The following FOXJ2 variants were observed in gnomAD, a reference collection of about 807,000 sequenced individuals.
FOXJ2 encodes the protein forkhead box J2.
Under a neutral mutation model 68.4 loss-of-function variants are expected in FOXJ2, and 18 were observed. The ratio of observed to expected loss-of-function variants is 0.26; its 90% CI spans 0.18 to 0.39. The LOEUF is 0.39. Among genes scored for constraint, FOXJ2 ranks in the 10% least tolerant of loss-of-function variants. The pLI, the probability that FOXJ2 is intolerant of heterozygous loss-of-function variation, is 1.00. For synonymous variants in FOXJ2, 274 were observed against 263.2 expected, an observed-to-expected ratio of 1.04 and a Z score of -0.40; for missense variants, 670 against 726.5, an observed-to-expected ratio of 0.92 and a Z score of 0.89.
chr12:8,048,103 C>T lies in FOXJ2; in HGVS notation c.1039C>T (p.Pro347Ser). 1 of 1,612,460 alleles carries T rather than the reference C, an allele frequency of 6.2e-7. No individual in the cohort carries two copies. The highest frequency in any genetic ancestry group is 8.5e-7 in the Non-Finnish European group (1 of 1,179,028). Residue 347 changes from proline to serine, a missense_variant, in exon 7 of 11, where the codon CCA becomes TCA. Physicochemically the swap from Pro to Ser is moderately conservative, Grantham distance 74. Transcript: ENST00000162391. ...HTPSTDGCTP[P>S]GGKQAGAEGY... ...CCCAAGCACAGATGGTTGTACCCCACCAGGGGGAAAGCAAGCTGGGGCGGA... is the reference window on the plus strand; with the variant it reads ...CCCAAGCACAGATGGTTGTACCCCATCAGGGGGAAAGCAAGCTGGGGCGGA...
intron 1 of FOXJ2, among the ~76,000 whole-genome samples, chr12:8,036,790 A>G (rs972623025): frequency 6.6e-6 from 1 of 152,176 alleles, no homozygotes; most frequent in East Asian, 1.9e-4. Context: ...AAACTGAGGC[A>G]TCAAGACTTC....
intron 6 of FOXJ2, among the ~76,000 whole-genome samples, chr12:8,046,887 T>C (rs1386008442): frequency 6.6e-6 from 1 of 152,176 alleles, no homozygotes; most frequent in Non-Finnish European, 1.5e-5. Flanking sequence ...TCCAAGACTG[T>C]AGCATTTGCT....
rs1219492354 is a variant in FOXJ2 at position 8,033,472 on chromosome 12, A to T, written c.-376A>T. Reference sequence around the variant, plus strand: ...CTCCGCTCCTATCTCCAGCAGACAGAAAGAGCCCTCCACCTCAGAAAGATC... The same window carrying T: ...CTCCGCTCCTATCTCCAGCAGACAGTAAGAGCCCTCCACCTCAGAAAGATC... On this transcript the variant is annotated 5_prime_UTR_variant, in exon 1 of 11. Coordinates refer to ENST00000162391, the MANE Select transcript of FOXJ2 (RefSeq NM_018416.3). 2.0e-5 allele frequency: 3 copies of T among 152,804 alleles called. No homozygotes were observed. In the East Asian group the frequency reaches 5.8e-4, roughly 30 times the overall value. 9.5% of individuals were successfully genotyped at this position (152,804 alleles called of 1,614,324 possible). A position where few individuals can be genotyped will look rare whatever the true frequency, so the allele number is the denominator to read the frequency against.
intron 7 of FOXJ2, 31 bp from the exon 8 acceptor site, chr12:8,048,666 C>G (rs1193631917): frequency 6.3e-7 from 1 of 1,582,858 alleles, no homozygotes; most frequent in Non-Finnish European, 8.7e-7. Context: ...TTCACTCTAT[C>G]TTATTATCCA....
chr12:8,046,191 GGCA>G (rs1947034732), intron 6 of FOXJ2, among the ~76,000 whole-genome samples: 2 of 152,238 alleles, frequency 1.3e-5, no homozygotes, highest in Non-Finnish European at 2.9e-5. Context: ...ACCACGAGGG[GGCA>G]GCAGCAGTAC....
intron 8 of FOXJ2, among the ~76,000 whole-genome samples, chr12:8,049,043 C>T (rs989966419): frequency 9.9e-5 from 15 of 152,108 alleles, no homozygotes; most frequent in African/African-American, 3.4e-4. Flanking sequence ...GGAGAAGGCC[C>T]TCAGGAATTT....
chr12:8,034,463 T>G (rs1408564949), intron 1 of FOXJ2, among the ~76,000 whole-genome samples: 1 of 152,090 alleles, frequency 6.6e-6, no homozygotes, highest in Non-Finnish European at 1.5e-5. Flanking sequence ...AAAGGGAAAA[T>G]GGGAATCCCA....
At chr12:8,049,100 A>T (rs1358732744) in intron 8 of FOXJ2, among the ~76,000 whole-genome samples, 1 of 152,256 alleles carries the variant, frequency 6.6e-6, no homozygotes, top group Non-Finnish European at 1.5e-5. Context: ...ACTCACTGAC[A>T]GTGTGACCTT....
In FOXJ2 at chr12:8,055,104, C is replaced by G. The variant is rs1427220811; in HGVS notation, c.*2254C>G. On this transcript the variant is annotated 3_prime_UTR_variant, in exon 11 of 11. Coordinates refer to ENST00000162391, the MANE Select transcript of FOXJ2 (RefSeq NM_018416.3). ...CCAAGCCCAGTCTTGCTACGTGGCA[C>G]AGGGCAAACCTGACTCCCTTTGGGC... 6.6e-6 allele frequency: 1 copy of G among 152,508 alleles called. No homozygotes were observed. Among genetic ancestry groups the G allele is most frequent in the Non-Finnish European group, 1.5e-5 (1 of 68,048 alleles). The allele number at this position is 152,508 out of a possible 1,614,324, so 9.4% of individuals were successfully genotyped here.
Position 8,040,101 on chromosome 12 carries a change from G to T in FOXJ2, c.269G>T (p.Ser90Ile). The T allele has an allele frequency of 1.2e-6, 2 of 1,614,184 alleles. No homozygotes were observed. The highest frequency in any genetic ancestry group is 1.7e-6 in the Non-Finnish European group (2 of 1,180,040). The change falls in exon 2 of 11, where the codon AGC becomes ATC. Residue 90 changes from serine to isoleucine, a missense_variant. Transcript: ENST00000162391. This position sits in a 1 kb window ranked among gnomAD's most constrained non-coding sequence, Gnocchi z 4.0. ...NSSPAKKMTL[S>I]EIYRWICDNF... is the part of the protein sequence containing the mutation. The stretch of plus-strand genomic sequence containing the variant: ...TCTCCAGCCAAGAAGATGACCCTCA[G>T]CGAGATTTACCGCTGGATCTGTGAT...
chr12:8,050,342 AC>A, intron 9 of FOXJ2, 179 bp from the exon 10 acceptor site: 1 of 1,367,556 alleles, frequency 7.3e-7, no homozygotes, highest in Non-Finnish European at 9.4e-7. Flanking sequence ...ATTTCTTTTT[AC>A]CCTCAGTGGT....
rs958783083 is a variant in FOXJ2 at position 8,052,938 on chromosome 12, C to T, written c.*88C>T. ...GCAACCCCAGCCCGTCCCTTCCCCC[C>T]GTCTGTATATAGACATATATCCTCT... On this transcript the variant is annotated 3_prime_UTR_variant, in exon 11 of 11. Coordinates refer to ENST00000162391, the MANE Select transcript of FOXJ2 (RefSeq NM_018416.3). 32 of 963,672 alleles carry T rather than the reference C, an allele frequency of 3.3e-5. No individual in the cohort carries two copies. The highest frequency in any genetic ancestry group is 4.9e-5 in the African/African-American group (3 of 61,800). 59.7% of individuals were successfully genotyped at this position (963,672 alleles called of 1,614,324 possible).
intron 1 of FOXJ2, among the ~76,000 whole-genome samples, chr12:8,036,678 G>A (rs74063112): frequency 0.011 from 1,627 of 152,328 alleles, 28 homozygotes; most frequent in African/African-American, 0.037. Flanking sequence ...TTTGGGGAGC[G>A]TGGAATGTGT....
chr12:8,052,944 T>C lies in FOXJ2; in HGVS notation c.*94T>C, dbSNP rs1947144983. ...CCAGCCCGTCCCTTCCCCCCGTCTG[T>C]ATATAGACATATATCCTCTTTTTGT... On this transcript the variant is annotated 3_prime_UTR_variant, in exon 11 of 11. Coordinates refer to ENST00000162391, the MANE Select transcript of FOXJ2 (RefSeq NM_018416.3). 2.5e-6 allele frequency: 2 copies of C among 807,852 alleles called. No individual in the cohort carries two copies. The highest frequency in any genetic ancestry group is 2.0e-6 in the Non-Finnish European group (1 of 492,036). 50.0% of individuals were successfully genotyped at this position (807,852 alleles called of 1,614,324 possible). A position where few individuals can be genotyped will look rare whatever the true frequency, so the allele number is the denominator to read the frequency against.
intron 5 of FOXJ2, 113 bp downstream of exon 5, chr12:8,044,204 TGAGAA>T: frequency 1.6e-6 from 2 of 1,272,498 alleles, no homozygotes; most frequent in Non-Finnish European, 2.1e-6. Context: ...GCAGATAAAT[TGAGAA>T]GGAAGGGGAA....
chr12:8,047,879 C>T lies in FOXJ2; in HGVS notation c.818-3C>T. 1 of 1,567,240 alleles carries T rather than the reference C, an allele frequency of 6.4e-7. No individual in the cohort carries two copies. Among genetic ancestry groups the T allele is most frequent in the Non-Finnish European group, 8.7e-7 (1 of 1,150,980 alleles). On this transcript the variant is annotated splice_polypyrimidine_tract_variant and splice_region_variant and intron_variant, in intron 6 of 10. Coordinates refer to ENST00000162391, the MANE Select transcript of FOXJ2 (RefSeq NM_018416.3). Reference sequence around the variant, plus strand: ...CACTTGCCTGCTTCCTCCCCACCTGCAGGCTTTTCTTCTCTCCTGGGGGAC... The same window carrying T: ...CACTTGCCTGCTTCCTCCCCACCTGTAGGCTTTTCTTCTCTCCTGGGGGAC...
chr12:8,041,256 T>G (rs896638114), intron 2 of FOXJ2, among the ~76,000 whole-genome samples: 2 of 151,966 alleles, frequency 1.3e-5, no homozygotes, highest in Non-Finnish European at 2.9e-5. Flanking sequence ...GACTGGAGTT[T>G]AGTGGCGTGA....
Position 8,040,369 on chromosome 12 carries a change from C to T in FOXJ2, c.333+204C>T, listed in dbSNP as rs1315721218. On this transcript the variant is annotated intron_variant, in intron 2 of 10. Transcript: ENST00000162391. The surrounding 1 kb of genome is among the most constrained non-coding windows in gnomAD (Gnocchi z 4.0). ...AAGGTATATTAGGGAAACTCCAAGCCATTAAGTATAGTGATGGGGATGGCA... is the reference window on the plus strand; with the variant it reads ...AAGGTATATTAGGGAAACTCCAAGCTATTAAGTATAGTGATGGGGATGGCA... 6.6e-6 allele frequency among the ~76,000 whole-genome samples: 1 copy of T among 151,806 alleles called. No individual in the cohort carries two copies. Among genetic ancestry groups the T allele is most frequent in the African/African-American group, 2.4e-5 (1 of 41,336 alleles).
chr12:8,053,042 T>C lies in FOXJ2; in HGVS notation c.*192T>C, dbSNP rs192889194. The stretch of plus-strand genomic sequence containing the variant: ...CTCTCTTTCCTGCCTCATTCTTCTC[T>C]CTTCCTTCCTGTTTTTTCCTAGTTC... On this transcript the variant is annotated 3_prime_UTR_variant, in exon 11 of 11. Coordinates refer to ENST00000162391, the MANE Select transcript of FOXJ2 (RefSeq NM_018416.3). This position sits in a 1 kb window ranked among gnomAD's most constrained non-coding sequence, Gnocchi z 4.1. 1.6e-4 allele frequency: 50 copies of C among 317,568 alleles called. 1 individual carries two copies. The East Asian group carries it at 2.4e-3, about 16-fold the overall frequency. The allele number at this position is 317,568 out of a possible 1,614,324, so 19.7% of individuals were successfully genotyped here.
Sources: gnomAD v4.1 joint callset for allele counts (sites outside exome capture counted in the v4.1 genomes callset) on GRCh38, gnomAD v4.1.1 for gene constraint, Gnocchi (gnomAD v3.1) non-coding constraint, MANE v1.5 for transcripts, NCBI Gene and HGNC (gene_info 2026-07-23, HGNC 2026-07-21) for gene names.